Variants in SMC1B observed in about 807,000 individuals in gnomAD.
The protein encoded by SMC1B is structural maintenance of chromosomes protein 1B.
In SMC1B, 60 loss-of-function variants were observed where a neutral mutation model predicts 157.9. That is an observed-to-expected ratio of 0.38 (90% CI 0.31 to 0.47). SMC1B has a LOEUF of 0.47. SMC1B is among the 20% of genes least tolerant of loss of function. The pLI is 0.99. For missense variants in SMC1B, 1,165 were observed against 1,426.2 expected (o/e 0.82, Z 2.95); for synonymous variants, 445 against 483.0 (o/e 0.92, Z 1.03).
chr22:45,369,762 T>A (rs920212766), intron 15 of SMC1B, among the ~76,000 whole-genome samples, 192 bp downstream of exon 15: 2 of 152,138 alleles, frequency 1.3e-5, no homozygotes, highest in Admixed American at 1.3e-4. Flanking sequence ...GCCAGGATGG[T>A]CTCGATCTCC....
At position 45,344,367 on chromosome 22, in the gene SMC1B, T is replaced by G. The variant is rs533319822; in HGVS notation, c.*189A>C. 2.4e-6 allele frequency: 1 copy of G among 411,468 alleles called. No individual in the cohort carries two copies. 25.5% of individuals were successfully genotyped at this position (411,468 alleles called of 1,614,324 possible). ...TGACACCAGCTCTCACTGAAAACTT[T>G]CCCTACTAGAATGAGGTCTGAACAC... On this transcript the variant is annotated 3_prime_UTR_variant, in exon 25 of 25. Coordinates refer to ENST00000357450, the MANE Select transcript of SMC1B (RefSeq NM_148674.5).
chr22:45,366,008 T>C (rs1281321529), intron 15 of SMC1B, among the ~76,000 whole-genome samples: 1 of 151,836 alleles, frequency 6.6e-6, no homozygotes, highest in Non-Finnish European at 1.5e-5. Context: ...ATTTTGGTTG[T>C]TTTTTGGGTT....
chr22:45,360,543 G>T (rs1433028522), intron 17 of SMC1B, among the ~76,000 whole-genome samples: 2 of 152,158 alleles, frequency 1.3e-5, no homozygotes, highest in Admixed American at 1.3e-4. Context: ...GCTGAGTGTG[G>T]TGGCTCACGC....
In SMC1B at chr22:45,369,945, T is replaced by C. The variant is rs1482534867; in HGVS notation, c.2420+9A>G. On this transcript the variant is annotated intron_variant, in intron 15 of 24. Transcript: ENST00000357450. ...TAAGCTCCTTACCAACATCTTTTTA[T>C]AAAAATACCTTTTTTGATCAATTTC... is the stretch of plus-strand genomic sequence containing the variant. 1 of 1,477,196 alleles carries C rather than the reference T, an allele frequency of 6.8e-7. No individual in the cohort carries two copies. The highest frequency in any genetic ancestry group is 9.3e-7 in the Non-Finnish European group (1 of 1,071,146). The allele number at this position is 1,477,196 out of a possible 1,614,324, so 91.5% of individuals were successfully genotyped here.
At chr22:45,381,299 G>T (rs1329696901) in intron 12 of SMC1B, among the ~76,000 whole-genome samples, 1 of 151,990 alleles carries the variant, frequency 6.6e-6, no homozygotes, top group East Asian at 1.9e-4. Flanking sequence ...CTAAATCACA[G>T]CACCCCACAA....
In SMC1B at chr22:45,393,705, G is replaced by A; in HGVS notation, c.1474C>T (p.His492Tyr). The change falls in exon 9 of 25, where the codon CAT becomes TAT. Residue 492 changes from histidine (H) to tyrosine (Y), a missense_variant. Physicochemically the swap from His to Tyr is moderately conservative, Grantham distance 83. Transcript: ENST00000357450. ...SELQNAGIDT[H>Y]EGKRQQKRAE... The stretch of plus-strand genomic sequence containing the variant: ...CTCTTTTGCTGACGTTTTCCCTCAT[G>A]GGTATCAATCCCAGCATTCTGCAAT... 1 of 1,613,964 alleles carries A rather than the reference G, an allele frequency of 6.2e-7. No homozygotes were observed. Among genetic ancestry groups the A allele is most frequent in the Non-Finnish European group, 8.5e-7 (1 of 1,179,936 alleles).
At chr22:45,383,359 T>C (rs1330236425) in intron 12 of SMC1B, 108 bp downstream of exon 12, 2 of 707,170 alleles carry the variant, frequency 2.8e-6, no homozygotes, top group East Asian at 5.8e-5. Context: ...TCTGCATTAT[T>C]TGAACTCTTA....
intron 23 of SMC1B, among the ~76,000 whole-genome samples, chr22:45,345,901 T>C (rs1397476625): frequency 6.6e-6 from 1 of 152,118 alleles, no homozygotes; most frequent in Non-Finnish European, 1.5e-5. Context: ...AAAGGGCTGG[T>C]ATTTAAACGT....
chr22:45,351,846 T>G (rs1393469462), intron 22 of SMC1B, among the ~76,000 whole-genome samples: 1 of 152,254 alleles, frequency 6.6e-6, no homozygotes, highest in African/African-American at 2.4e-5. Context: ...ACTTTTTGTT[T>G]CTTGATTTGT....
intron 12 of SMC1B, among the ~76,000 whole-genome samples, chr22:45,374,272 A>G (rs1051753682): frequency 6.6e-6 from 1 of 152,062 alleles, no homozygotes; most frequent in East Asian, 1.9e-4. Flanking sequence ...AGTCACAATA[A>G]AAAGATTTAT....
intron 9 of SMC1B, among the ~76,000 whole-genome samples, chr22:45,393,259 A>C (rs1456563501): frequency 6.6e-6 from 1 of 152,226 alleles, no homozygotes; most frequent in African/African-American, 2.4e-5. Flanking sequence ...ATGTCTGCTG[A>C]AAAAATATTT....
intron 17 of SMC1B, 49 bp from the exon 18 acceptor site, chr22:45,360,007 T>G: frequency 7.0e-7 from 1 of 1,438,516 alleles, no homozygotes; most frequent in Non-Finnish European, 9.6e-7. Context: ...TATGTAACAC[T>G]GCACCAAGGA....
chr22:45,348,091 G>C (rs1258033561), intron 23 of SMC1B, among the ~76,000 whole-genome samples: 3 of 152,212 alleles, frequency 2.0e-5, no homozygotes, highest in East Asian at 1.9e-4. Context: ...TTTGGGCTGA[G>C]AGCCCAGCTC....
chr22:45,350,639 A>G (rs1370666405), intron 22 of SMC1B, among the ~76,000 whole-genome samples: 1 of 152,052 alleles, frequency 6.6e-6, no homozygotes, highest in Non-Finnish European at 1.5e-5. Flanking sequence ...GTGGGTGACT[A>G]ATACATATCT....
At chr22:45,360,478 T>G (rs989071693) in intron 17 of SMC1B, among the ~76,000 whole-genome samples, 12 of 151,860 alleles carry the variant, frequency 7.9e-5, no homozygotes, top group African/African-American at 2.7e-4. Context: ...AAGAAGAAAG[T>G]AAGAACTATG....
At chr22:45,383,247 G>T (rs146200806) in intron 12 of SMC1B, among the ~76,000 whole-genome samples, 4 of 152,030 alleles carry the variant, frequency 2.6e-5, no homozygotes, top group Non-Finnish European at 5.9e-5. Context: ...CACACACAAA[G>T]AAAATTTCTG....
At chr22:45,375,833 T>C (rs1178690647) in intron 12 of SMC1B, among the ~76,000 whole-genome samples, 1 of 152,194 alleles carries the variant, frequency 6.6e-6, no homozygotes, top group Non-Finnish European at 1.5e-5. Context: ...TCTCTAATAC[T>C]GACATTTAGA....
intron 23 of SMC1B, among the ~76,000 whole-genome samples, chr22:45,346,597 T>A (rs1178912869): frequency 6.6e-6 from 1 of 151,922 alleles, no homozygotes; most frequent in African/African-American, 2.4e-5. Context: ...GAGGAATGAG[T>A]GGCCATGTTT....
intron 12 of SMC1B, among the ~76,000 whole-genome samples, chr22:45,378,476 A>G (rs1031919905): frequency 2.6e-5 from 4 of 152,188 alleles, no homozygotes; most frequent in Non-Finnish European, 5.9e-5. Flanking sequence ...TATGCAATTT[A>G]CATTTATTAA....
Sources: allele counts gnomAD v4.1 joint callset (sites outside exome capture counted in the v4.1 genomes callset), GRCh38; gene constraint gnomAD v4.1.1; transcripts MANE v1.5; gene names NCBI Gene and HGNC (gene_info 2026-07-23, HGNC 2026-07-21).